Variants in PNMA5 observed in about 807,000 individuals in gnomAD.
The protein encoded by PNMA5 is paraneoplastic antigen-like protein 5.
For missense variants in PNMA5, 334 were observed against 356.6 expected (o/e 0.94, Z 0.51); for synonymous variants, 138 against 137.9 (o/e 1.00, Z 0.00).
intron 1 of PNMA5, 112 bp downstream of exon 1, chrX:152,993,921 C>G (rs781859124): frequency 2.7e-5 from 3 of 112,975 alleles, no homozygotes; most frequent in African/African-American, 9.6e-5. Flanking sequence ...GATCCCGCCT[C>G]CAGGGAAACC....
rs1256918361 is a variant in PNMA5 at position 152,992,695 on chromosome X, A to G, written c.-238T>C. The G allele has an allele frequency of 9.0e-6, 1 of 111,639 alleles. No homozygotes were observed. The highest frequency in any genetic ancestry group is 1.9e-5 in the Non-Finnish European group (1 of 53,123). The allele number at this position is 111,639 out of a possible 1,213,427, so 9.2% of individuals were successfully genotyped here. ...CCCTGCTGGCAGCGCGGATGCTGCA[A>G]TAACACAGCCACTTCAGACTCGCTC... is the stretch of plus-strand genomic sequence containing the variant. On this transcript the variant is annotated 5_prime_UTR_variant, in exon 2 of 4. Coordinates refer to ENST00000535214, the MANE Select transcript of PNMA5 (RefSeq NM_001184924.2).
chrX:152,990,254 A>G lies in PNMA5; in HGVS notation c.1345T>C (p.Ter449GlnextTer17), dbSNP rs1224909570. Residue 449 changes from the stop codon to glutamine (Q), a stop_lost, in exon 4 of 4, where the codon TAG becomes CAG. Transcript: ENST00000535214. The stretch of plus-strand genomic sequence containing the variant: ...AGGAGTGCTTCGGTCTTCTGAGCCT[A>G]TGTTTCCCAGGGCTTGGGATGGCTC... ...AMSHPKPWET[*>Q] 1 of 1,085,833 alleles carries G rather than the reference A, an allele frequency of 9.2e-7. No individual in the cohort carries two copies. The highest frequency in any genetic ancestry group is 1.9e-5 in the African/African-American group (1 of 52,432). 89.5% of individuals were successfully genotyped at this position (1,085,833 alleles called of 1,213,427 possible). A position where few individuals can be genotyped will look rare whatever the true frequency, so the allele number is the denominator to read the frequency against.
rs782553555 is a variant in PNMA5 at position 152,990,736 on chromosome X, C to T, written c.863G>A (p.Arg288His). ...PLSVRSTDMI[R>H]LKHLLARVAM... The stretch of plus-strand genomic sequence containing the variant: ...GACCCGAGCTAAGAGATGTTTCAGA[C>T]GAATCATGTCTGTGCTGCGCACTGA... The change falls in exon 4 of 4, where the codon CGT becomes CAT. Residue 288 changes from arginine (R) to histidine (H), a missense_variant. Arg to His is a conservative substitution (Grantham distance 29). Coordinates refer to ENST00000535214, the MANE Select transcript of PNMA5 (RefSeq NM_001184924.2). 8.4e-6 allele frequency: 10 copies of T among 1,196,471 alleles called. No individual in the cohort carries two copies. Among genetic ancestry groups the T allele is most frequent in the Non-Finnish European group, 1.0e-5 (9 of 889,012 alleles).
rs781996754 is a variant in PNMA5 at position 152,991,470 on chromosome X, T to C, written c.129A>G (p.Leu43=). The C allele has an allele frequency of 8.3e-7, 1 of 1,208,028 alleles. No homozygotes were observed. Among genetic ancestry groups the C allele is most frequent in the Non-Finnish European group, 1.1e-6 (1 of 893,870 alleles). Residue 43 remains leucine (L), a synonymous_variant, in exon 4 of 4, where the codon TTA becomes TTG. Coordinates refer to ENST00000535214, the MANE Select transcript of PNMA5 (RefSeq NM_001184924.2). ...GGACCCTGTATGCGCACAGGGGCTGTAAGCCTGCCTTCACAGTGTCCTGAA... is the reference window on the plus strand; with the variant it reads ...GGACCCTGTATGCGCACAGGGGCTGCAAGCCTGCCTTCACAGTGTCCTGAA... ...VEIQDTVKAG[L]QPLCAYRVLG... is the part of the protein sequence containing the mutation.
At position 152,990,959 on chromosome X, in the gene PNMA5, C is replaced by A; in HGVS notation, c.640G>T (p.Val214Leu). ...ATGGAGTCATTGTTGGCCTGGAGCACCCGCATGATTGACAGAGCAGGCCCA... is the reference window on the plus strand; with the variant it reads ...ATGGAGTCATTGTTGGCCTGGAGCAACCGCATGATTGACAGAGCAGGCCCA... ...LRGPALSIMR[V>L]LQANNDSITV... The change falls in exon 4 of 4, where the codon GTG (valine) becomes TTG (leucine). Residue 214 changes from valine to leucine, a missense_variant. Val to Leu is a conservative substitution (Grantham distance 32). Coordinates refer to ENST00000535214, the MANE Select transcript of PNMA5 (RefSeq NM_001184924.2). 1 of 1,194,730 alleles carries A rather than the reference C, an allele frequency of 8.4e-7. No individual in the cohort carries two copies. Among genetic ancestry groups the A allele is most frequent in the South Asian group, 1.9e-5 (1 of 53,100 alleles).
At position 152,989,405 on chromosome X, in the gene PNMA5, C is replaced by T. The variant is rs1404702789; in HGVS notation, c.*847G>A. On this transcript the variant is annotated 3_prime_UTR_variant, in exon 4 of 4. Coordinates refer to ENST00000535214, the MANE Select transcript of PNMA5 (RefSeq NM_001184924.2). ...AGCAGCCACTGGCCGAGATCTACAC[C>T]GGCAAAGCAGAGGTGGAGTTCTTGA... 1 of 109,612 alleles carries T rather than the reference C, an allele frequency of 9.1e-6. No homozygotes were observed. The highest frequency in any genetic ancestry group is 3.3e-5 in the African/African-American group (1 of 29,911). 9.0% of individuals were successfully genotyped at this position (109,612 alleles called of 1,213,427 possible). A position where few individuals can be genotyped will look rare whatever the true frequency, so the allele number is the denominator to read the frequency against.
intron 1 of PNMA5, among the ~76,000 whole-genome samples, chrX:152,993,746 T>C (rs1180785909): frequency 8.9e-6 from 1 of 112,615 alleles, no homozygotes; most frequent in Non-Finnish European, 1.9e-5. Flanking sequence ...GGTTTCCCCA[T>C]GTTGGCCAGG....
chrX:152,993,000 T>C (rs868958430), intron 1 of PNMA5, among the ~76,000 whole-genome samples: 1 of 7,177 alleles, frequency 1.4e-4, no homozygotes, highest in African/African-American at 5.5e-4. Context: ...AGGTAGGGGG[T>C]GGGGGCAGGG....
Position 152,990,606 on chromosome X carries a change from C to T in PNMA5, c.993G>A (p.Trp331Ter). Residue 331 changes from tryptophan to a stop codon, truncating the protein, a stop_gained, in exon 4 of 4, where the codon TGG becomes TGA. Coordinates refer to ENST00000535214, the MANE Select transcript of PNMA5 (RefSeq NM_001184924.2). LOFTEE classifies it low-confidence loss of function (END_TRUNC). The part of the protein sequence containing the change: ...LMKLIRDEEE[W>*]ENTEAVMKNK... ...TCTTCATCACTGCCTCAGTGTTCTC[C>T]CACTCTTCTTCATCTCGAATGAGCT... is the stretch of plus-strand genomic sequence containing the variant. 1 of 1,179,460 alleles carries T rather than the reference C, an allele frequency of 8.5e-7. No homozygotes were observed. Among genetic ancestry groups the T allele is most frequent in the Non-Finnish European group, 1.1e-6 (1 of 882,010 alleles).
Position 152,990,340 on chromosome X carries a change from C to T in PNMA5, c.1259G>A (p.Gly420Asp). 1 of 1,163,244 alleles carries T rather than the reference C, an allele frequency of 8.6e-7. No homozygotes were observed. Among genetic ancestry groups the T allele is most frequent in the Middle Eastern group, 2.4e-4 (1 of 4,097 alleles). The change falls in exon 4 of 4, where the codon GGC (glycine) becomes GAC (aspartate). Residue 420 changes from glycine (G) to aspartate (D), a missense_variant. By Grantham distance (94) the Gly-to-Asp change is moderately conservative (BLOSUM62 -1). Transcript: ENST00000535214. ...TCCTGCAGCCTGTGGCCCCTCCCTGCCTGGAGTCTGGTTTTCAGCCTTGGG... is the reference window on the plus strand; with the variant it reads ...TCCTGCAGCCTGTGGCCCCTCCCTGTCTGGAGTCTGGTTTTCAGCCTTGGG... ...TYPKAENQTP[G>D]REGPQAAGEE...
At chrX:152,993,789 C>T (rs1556925045) in intron 1 of PNMA5, among the ~76,000 whole-genome samples, 1 of 112,745 alleles carries the variant, frequency 8.9e-6, no homozygotes, top group Non-Finnish European at 1.9e-5. Flanking sequence ...AGGTGATCCA[C>T]CCGCCTCGGC....
At chrX:152,994,010 G>A (rs1232458586) in intron 1 of PNMA5, 23 bp downstream of exon 1, 1 of 113,293 alleles carries the variant, frequency 8.8e-6, no homozygotes, top group Non-Finnish European at 1.9e-5. Flanking sequence ...GTTGCTGTCC[G>A]AGCCCGGGGT....
At position 152,991,006 on chromosome X, in the gene PNMA5, C is replaced by T. The variant is rs868928815; in HGVS notation, c.593G>A (p.Arg198Gln). Residue 198 changes from arginine to glutamine, a missense_variant, in exon 4 of 4, where the codon CGG (arginine) becomes CAG (glutamine). Transcript: ENST00000535214. ...CCCACGTAAGCTCTCCAGCAAACGCCGCCTCTTCTCCACCTCAGACACTTG... is the reference window on the plus strand; with the variant it reads ...CCCACGTAAGCTCTCCAGCAAACGCTGCCTCTTCTCCACCTCAGACACTTG... ...IWQVSEVEKR[R>Q]RLLESLRGPA... The T allele has an allele frequency of 1.2e-5, 14 of 1,203,459 alleles. No individual in the cohort carries two copies. The highest frequency in any genetic ancestry group is 1.7e-5 in the African/African-American group (1 of 57,680).
chrX:152,990,210 C>G lies in PNMA5; in HGVS notation c.*42G>C. On this transcript the variant is annotated 3_prime_UTR_variant, in exon 4 of 4. Transcript: ENST00000535214. ...TGCCCCTTCCCCTTGTTCAAATGTC[C>G]CTGCTGCCTGCCAGGGGAAGGAGTG... is the stretch of plus-strand genomic sequence containing the variant. The G allele has an allele frequency of 4.7e-6, 5 of 1,062,182 alleles. No homozygotes were observed. Among genetic ancestry groups the G allele is most frequent in the African/African-American group, 1.9e-5 (1 of 52,470 alleles). The allele number at this position is 1,062,182 out of a possible 1,213,427, so 87.5% of individuals were successfully genotyped here.
At position 152,991,187 on chromosome X, in the gene PNMA5, C is replaced by G. The variant is rs1462867259; in HGVS notation, c.412G>C (p.Val138Leu). ...GGTGGGGATCTAACTTGGGGCATGA[C>G]CTCTGCATCCAGGCTCTCGGCAGGG... ...SLPAESLDAE[V>L]MPQVRSPPLE... The change falls in exon 4 of 4, where the codon GTC becomes CTC. Residue 138 changes from valine to leucine, a missense_variant. Val to Leu is a conservative substitution (Grantham distance 32, BLOSUM62 1). Coordinates refer to ENST00000535214, the MANE Select transcript of PNMA5 (RefSeq NM_001184924.2). 1 of 1,201,945 alleles carries G rather than the reference C, an allele frequency of 8.3e-7. No homozygotes were observed. Among genetic ancestry groups the G allele is most frequent in the Non-Finnish European group, 1.1e-6 (1 of 891,505 alleles).
At chrX:152,993,001 G>A (rs1164510337) in intron 1 of PNMA5, among the ~76,000 whole-genome samples, 3 of 94,739 alleles carry the variant, frequency 3.2e-5, no homozygotes, top group African/African-American at 1.2e-4. Context: ...GGTAGGGGGT[G>A]GGGGCAGGGG....
rs2050879652 is a variant in PNMA5, at chrX:152,989,558, C to G, written c.*694G>C. On this transcript the variant is annotated 3_prime_UTR_variant, in exon 4 of 4. Coordinates refer to ENST00000535214, the MANE Select transcript of PNMA5 (RefSeq NM_001184924.2). The stretch of plus-strand genomic sequence containing the variant: ...CCTCCTTCCCCTCTTCCTCCTCCCC[C>G]TCTTCCTCCTTCTCCTCCCCCTCTT... 1 of 108,975 alleles carries G rather than the reference C, an allele frequency of 9.2e-6. No homozygotes were observed. Among genetic ancestry groups the G allele is most frequent in the Non-Finnish European group, 1.9e-5 (1 of 52,476 alleles). The allele number at this position is 108,975 out of a possible 1,213,427, so 9.0% of individuals were successfully genotyped here.
Position 152,991,280 on chromosome X carries a change from TCA to T in PNMA5, c.317_318del (p.Leu106GlnfsTer7). ...RNPDDEFLSR[L>X]NYFLKDEGRS... Reference sequence around the variant, plus strand: ...CGGCCCTCATCTTTCAGGAAGTAGTTCAGTCTACTGAGAAACTCATCATCTGG... The same window carrying T: ...CGGCCCTCATCTTTCAGGAAGTAGTTGTCTACTGAGAAACTCATCATCTGG... On this transcript the variant is annotated frameshift_variant, in exon 4 of 4. Transcript: ENST00000535214. LOFTEE classifies it low-confidence loss of function (END_TRUNC). The T allele has an allele frequency of 8.3e-7, 1 of 1,207,883 alleles. No homozygotes were observed. Among genetic ancestry groups the T allele is most frequent in the Non-Finnish European group, 1.1e-6 (1 of 893,903 alleles).
Position 152,991,053 on chromosome X carries a change from G to T in PNMA5, c.546C>A (p.Val182=). The change falls in exon 4 of 4, where the codon GTC becomes GTA. Residue 182 remains valine, a synonymous_variant. Coordinates refer to ENST00000535214, the MANE Select transcript of PNMA5 (RefSeq NM_001184924.2). ...CTTGCCATATGGGCATTATCTCAGTGACCTGCTCTAGCCAGTCTTCAAAGG... is the reference window on the plus strand; with the variant it reads ...CTTGCCATATGGGCATTATCTCAGTTACCTGCTCTAGCCAGTCTTCAAAGG... ...EETFEDWLEQ[V]TEIMPIWQVS... 1 of 1,204,870 alleles carries T rather than the reference G, an allele frequency of 8.3e-7. No individual in the cohort carries two copies. The highest frequency in any genetic ancestry group is 1.1e-6 in the Non-Finnish European group (1 of 892,914).
Sources: allele counts gnomAD v4.1 joint callset (sites outside exome capture counted in the v4.1 genomes callset), GRCh38; gene constraint gnomAD v4.1.1; transcripts MANE v1.5; gene names NCBI Gene and HGNC (gene_info 2026-07-23, HGNC 2026-07-21).